Variants in DOP1A observed in about 807,000 individuals in gnomAD.
DOP1A encodes the protein protein DOP1A.
DOP1A carries 90 observed loss-of-function variants against 267.6 expected under a neutral mutation model. The ratio of observed to expected loss-of-function variants is 0.34; its 90% CI spans 0.28 to 0.40. DOP1A has a LOEUF of 0.40. DOP1A is among the 10% of genes least tolerant of loss of function. The probability of loss-of-function intolerance (pLI) is 1.00; values close to 1 mark genes in which losing one functional copy is unlikely to be tolerated. For synonymous variants in DOP1A, 932 were observed against 999.1 expected, an observed-to-expected ratio of 0.93 and a Z score of 1.27; for missense variants, 2,437 against 2,900.4, an observed-to-expected ratio of 0.84 and a Z score of 3.67.
At chr6:83,129,586 CTG>C (rs1562334044) in intron 16 of DOP1A, 78 bp downstream of exon 16, 3 of 1,337,966 alleles carry the variant, frequency 2.2e-6, no homozygotes, top group Non-Finnish European at 1.9e-6. Flanking sequence ...GCACTCAAAA[CTG>C]GGGTTTTTTT....
rs760330172 is a variant in DOP1A at position 83,100,773 on chromosome 6, A to G, written c.207A>G (p.Gln69=). Residue 69 remains glutamine, a synonymous_variant, in exon 4 of 39, where the codon CAA becomes CAG. Transcript: ENST00000349129. Reference sequence around the variant, plus strand: ...TGACCATAGGCAAACGCCTAGCTCAATGTCTACATCCAGCATTACCAGGTG... The same window carrying G: ...TGACCATAGGCAAACGCCTAGCTCAGTGTCTACATCCAGCATTACCAGGTG... ...KKLTIGKRLA[Q]CLHPALPGGV... The G allele has an allele frequency of 2.0e-5, 32 of 1,592,944 alleles. No individual in the cohort carries two copies. The highest frequency in any genetic ancestry group is 9.2e-5 in the South Asian group (8 of 87,012).
At chr6:83,161,048 G>T (rs1047316887) in intron 37 of DOP1A, 13 of 151,856 alleles carry the variant, frequency 8.6e-5, no homozygotes, top group Non-Finnish European at 1.6e-4. Context: ...TACTCCTAAG[G>T]AAGTCCAGAA....
chr6:83,073,019 T>TA, intron 1 of DOP1A: 1 of 361,324 alleles, frequency 2.8e-6, no homozygotes, highest in South Asian at 2.1e-5. Context: ...TTGGAAGAAA[T>TA]AAGTGTTTGA....
intron 27 of DOP1A, 82 bp from the exon 28 acceptor site, chr6:83,151,511 T>G (rs1278203199): frequency 9.2e-7 from 1 of 1,088,694 alleles, no homozygotes. Context: ...TTAAGCCGCT[T>G]AACTCATCGT....
At chr6:83,170,818 A>G (rs1415549224), downstream of DOP1A, 1 of 177,532 alleles carries the variant, frequency 5.6e-6, no homozygotes, top group African/African-American at 2.4e-5. Context: ...TTTCTTAAAT[A>G]TGCCAAAAAT....
chr6:83,142,952 C>T (rs1490658943), intron 24 of DOP1A, among the ~76,000 whole-genome samples: 1 of 152,028 alleles, frequency 6.6e-6, no homozygotes, highest in Admixed American at 6.6e-5. Flanking sequence ...TTTTTTCCAC[C>T]TAACAATTCC....
chr6:83,078,812 A>G (rs1048585141), intron 1 of DOP1A, among the ~76,000 whole-genome samples: 2 of 152,192 alleles, frequency 1.3e-5, no homozygotes, highest in African/African-American at 2.4e-5. Flanking sequence ...TTCTTATTCT[A>G]TTACGTGCTT....
At chr6:83,113,277 G>A (rs558748211) in intron 6 of DOP1A, 46 bp from the exon 7 acceptor site, 3 of 1,480,466 alleles carry the variant, frequency 2.0e-6, no homozygotes, top group Non-Finnish European at 2.8e-6. Flanking sequence ...TGGCAAAAAT[G>A]TCTCAGCATA....
At chr6:83,142,238 G>A (rs372363038) in intron 24 of DOP1A, among the ~76,000 whole-genome samples, 192 bp downstream of exon 24, 5 of 152,060 alleles carry the variant, frequency 3.3e-5, no homozygotes, top group Admixed American at 1.3e-4. Context: ...GGCTAGGCAC[G>A]GTGGCTCACA....
intron 7 of DOP1A, among the ~76,000 whole-genome samples, chr6:83,116,527 C>T (rs1023177771): frequency 3.9e-5 from 6 of 152,044 alleles, no homozygotes; most frequent in African/African-American, 1.4e-4. Context: ...AATACAATTT[C>T]AGCCAGATGC....
chr6:83,153,372 A>C, intron 30 of DOP1A, 139 bp from the exon 31 acceptor site: 1 of 513,642 alleles, frequency 1.9e-6, no homozygotes, highest in South Asian at 4.2e-5. Context: ...TCATTAACAT[A>C]AAAATGATTC....
intron 1 of DOP1A, among the ~76,000 whole-genome samples, chr6:83,090,468 G>A (rs1770144980): frequency 6.6e-6 from 1 of 152,098 alleles, no homozygotes; most frequent in Non-Finnish European, 1.5e-5. Context: ...GTTTATTCTG[G>A]AGAAGAGGCA....
intron 19 of DOP1A, among the ~76,000 whole-genome samples, chr6:83,135,173 T>G (rs1380326534): frequency 1.3e-5 from 2 of 152,098 alleles, no homozygotes; most frequent in Non-Finnish European, 2.9e-5. Flanking sequence ...CAAACCACAC[T>G]TTCATACCTT....
At chr6:83,115,592 C>T (rs552431570) in intron 7 of DOP1A, among the ~76,000 whole-genome samples, 9 of 152,180 alleles carry the variant, frequency 5.9e-5, no homozygotes, top group East Asian at 1.9e-4. Context: ...GGCATGGTGG[C>T]GGGCGCCTGT....
At chr6:83,088,184 G>T (rs1382170945) in intron 1 of DOP1A, among the ~76,000 whole-genome samples, 1 of 151,552 alleles carries the variant, frequency 6.6e-6, no homozygotes, top group East Asian at 2.0e-4. Context: ...CCATTGATGG[G>T]TTTTAAGCAA....
At chr6:83,124,994 T>TA (rs1358379727) in intron 13 of DOP1A, among the ~76,000 whole-genome samples, 172 bp from the exon 14 acceptor site, 2 of 152,206 alleles carry the variant, frequency 1.3e-5, no homozygotes, top group African/African-American at 2.4e-5. Flanking sequence ...CATATACATA[T>TA]AAAAAATACA....
rs115360882 is a variant in DOP1A at position 83,142,024 on chromosome 6, A to G, written c.5519A>G (p.Asn1840Ser). Reference sequence around the variant, plus strand: ...TTTGTGTGGAATGAAAGAAGACAGAATAAAACAACCACCAGGACCAAGGTA... The same window carrying G: ...TTTGTGTGGAATGAAAGAAGACAGAGTAAAACAACCACCAGGACCAAGGTA... ...IAFVWNERRQ[N>S]KTTTRTKVIP... The change falls in exon 24 of 39, where the codon AAT becomes AGT. Residue 1840 changes from asparagine to serine, a missense_variant. This residue lies in a region of DOP1A where 307 missense variants were observed against 308.6 expected (regional missense o/e 0.99). Transcript: ENST00000349129. 3,474 of 1,611,936 alleles carry G rather than the reference A, an allele frequency of 2.2e-3. 76 individuals are homozygous for G. In the African/African-American group the frequency reaches 0.042, roughly 19 times the overall value.
chr6:83,108,426 C>T (rs1438073883), intron 4 of DOP1A, among the ~76,000 whole-genome samples: 2 of 152,192 alleles, frequency 1.3e-5, no homozygotes, highest in Admixed American at 6.6e-5. Flanking sequence ...AGTCCTCCCA[C>T]CTCCGCCTTC....
In DOP1A at chr6:83,137,620, C is replaced by T. The variant is rs200175557; in HGVS notation, c.3578C>T (p.Thr1193Met). 1.8e-4 allele frequency: 297 copies of T among 1,613,664 alleles called. 2 individuals are homozygous for T. The Middle Eastern group carries it at 2.5e-3, about 13-fold the overall frequency. Reference sequence around the variant, plus strand: ...AGTGATATAGATCCAGATGAAGAGACGATTAAAATTGAAGATGACTCCATT... The same window carrying T: ...AGTGATATAGATCCAGATGAAGAGATGATTAAAATTGAAGATGACTCCATT... The part of the protein sequence containing the change: ...KCSDIDPDEE[T>M]IKIEDDSIQQ... The change falls in exon 21 of 39, where the codon ACG (threonine) becomes ATG (methionine). Residue 1193 changes from threonine to methionine, a missense_variant. Around this residue, in one of 9 missense-constraint regions of DOP1A, gnomAD observed 878 missense variants for 992.9 expected, o/e 0.88. Transcript: ENST00000349129.
Sources: gnomAD v4.1 joint callset for allele counts (sites outside exome capture counted in the v4.1 genomes callset) on GRCh38, gnomAD v4.1.1 for gene constraint, gnomAD v4.1.1 regional missense constraint, MANE v1.5 for transcripts, NCBI Gene and HGNC (gene_info 2026-07-23, HGNC 2026-07-21) for gene names.